The following RALGAPA2 variants were observed in gnomAD, a reference collection of about 807,000 sequenced individuals.
RALGAPA2 encodes ral GTPase-activating protein subunit alpha-2.
A neutral mutation model predicts 230.4 loss-of-function variants in RALGAPA2; 139 were observed. That is an observed-to-expected ratio of 0.60 (90% CI 0.53 to 0.69). The LOEUF is 0.69. Among genes scored for constraint, RALGAPA2 ranks in the 30% least tolerant of loss-of-function variants. The pLI is 0.00. For missense variants in RALGAPA2, 2,163 were observed against 2,276.0 expected (o/e 0.95, Z 1.01); for synonymous variants, 847 against 837.8 (o/e 1.01, Z -0.19).
At chr20:20,484,808 A>C (rs997737472) in intron 36 of RALGAPA2, among the ~76,000 whole-genome samples, 2 of 152,232 alleles carry the variant, frequency 1.3e-5, no homozygotes, top group African/African-American at 2.4e-5. Flanking sequence ...TGTGATCCCT[A>C]ATTACTGAAC....
intron 3 of RALGAPA2, among the ~76,000 whole-genome samples, chr20:20,672,172 A>G (rs1483267425): frequency 6.6e-6 from 1 of 152,230 alleles, no homozygotes; most frequent in Non-Finnish European, 1.5e-5. Context: ...AGTGCTCTCA[A>G]TCAAGAGCAT....
chr20:20,605,401 T>C lies in RALGAPA2; in HGVS notation c.1812A>G (p.Val604=), dbSNP rs1169038130. ...LAGLLFRTLM[V]AWIRANLCVY... ...CACAGAGGTTTGCTCGGATCCAAGC[T>C]ACCATGAGCGTCTAAAACCAACCAA... The change falls in exon 15 of 40, where the codon GTA becomes GTG. Residue 604 remains valine, a synonymous_variant. Transcript: ENST00000202677. 6.2e-7 allele frequency: 1 copy of C among 1,613,090 alleles called. No homozygotes were observed. The highest frequency in any genetic ancestry group is 8.5e-7 in the Non-Finnish European group (1 of 1,179,340).
At position 20,512,943 on chromosome 20, in the gene RALGAPA2, C is replaced by A. The variant is rs2062756112; in HGVS notation, c.4426G>T (p.Val1476Phe). The A allele has an allele frequency of 3.1e-6, 5 of 1,613,650 alleles. No individual in the cohort carries two copies. In the African/African-American group the frequency reaches 6.7e-5, roughly 22 times the overall value. The change falls in exon 32 of 40, where the codon GTT becomes TTT. Residue 1476 changes from valine (V) to phenylalanine (F), a missense_variant. Transcript: ENST00000202677. ...ISGKYSWDGK[V>F]LYGPLEGCLA... Reference sequence around the variant, plus strand: ...CAGCCTTCCAAAGGTCCATATAAAACCTTACCATCCCAAGAGTACTTCCCT... The same window carrying A: ...CAGCCTTCCAAAGGTCCATATAAAAACTTACCATCCCAAGAGTACTTCCCT...
chr20:20,495,251 C>A lies in RALGAPA2; in HGVS notation c.5233G>T (p.Val1745Phe), dbSNP rs748796429. The change falls in exon 36 of 40, where the codon GTC (valine) becomes TTC (phenylalanine). Residue 1745 changes from valine (V) to phenylalanine (F), a missense_variant. Coordinates refer to ENST00000202677, the MANE Select transcript of RALGAPA2 (RefSeq NM_020343.4). ...KKLRHLGNDE[V>F]HIVWSEHSRD... Reference sequence around the variant, plus strand: ...GAGTGTTCAGACCAGACGATATGGACCTCGTCATTCCCCAAGTGACGAAGC... The same window carrying A: ...GAGTGTTCAGACCAGACGATATGGAACTCGTCATTCCCCAAGTGACGAAGC... The A allele has an allele frequency of 6.5e-7, 1 of 1,539,788 alleles. No homozygotes were observed. Among genetic ancestry groups the A allele is most frequent in the Non-Finnish European group, 8.8e-7 (1 of 1,130,792 alleles).
Position 20,524,825 on chromosome 20 carries a change from C to T in RALGAPA2, c.3762+5G>A, listed in dbSNP as rs746095800. The T allele has an allele frequency of 7.2e-5, 114 of 1,589,148 alleles. No individual in the cohort carries two copies. The highest frequency in any genetic ancestry group is 9.0e-5 in the Non-Finnish European group (105 of 1,171,388). ...TAGGAAAAACTTAGTTAATGTGCCA[C>T]CTACCTTCTTGTCTGTTTCCACTGA... On this transcript the variant is annotated splice_donor_5th_base_variant and intron_variant, in intron 29 of 39. Coordinates refer to ENST00000202677, the MANE Select transcript of RALGAPA2 (RefSeq NM_020343.4).
intron 20 of RALGAPA2, among the ~76,000 whole-genome samples, chr20:20,580,288 G>A (rs950302252): frequency 2.6e-5 from 4 of 152,294 alleles, no homozygotes; most frequent in Admixed American, 6.5e-5. Flanking sequence ...GGGAAGGACT[G>A]CCACTTCCAG....
chr20:20,401,761 G>C (rs184465688), intron 38 of RALGAPA2, among the ~76,000 whole-genome samples: 1 of 152,160 alleles, frequency 6.6e-6, no homozygotes, highest in Non-Finnish European at 1.5e-5. Flanking sequence ...TAGTTTTACC[G>C]ATAAAAACTG....
chr20:20,548,627 G>A (rs1399885602), intron 23 of RALGAPA2, among the ~76,000 whole-genome samples: 4 of 152,134 alleles, frequency 2.6e-5, no homozygotes, highest in Admixed American at 6.5e-5. Context: ...CTTTAATCAC[G>A]TCCTTTGATA....
At chr20:20,593,390 T>C (rs1189077503) in intron 16 of RALGAPA2, among the ~76,000 whole-genome samples, 1 of 152,266 alleles carries the variant, frequency 6.6e-6, no homozygotes, top group Non-Finnish European at 1.5e-5. Context: ...GTGCACATTT[T>C]TAATCTACTT....
rs756612256 is a variant in RALGAPA2 at position 20,393,137 on chromosome 20, G to A, written c.*152C>T. The A allele has an allele frequency of 2.6e-5, 36 of 1,360,548 alleles. No homozygotes were observed. The East Asian group carries it at 2.7e-4, about 10-fold the overall frequency. 84.3% of individuals were successfully genotyped at this position (1,360,548 alleles called of 1,614,324 possible). A position where few individuals can be genotyped will look rare whatever the true frequency, so the allele number is the denominator to read the frequency against. ...CTGCTGAGGGCACTAGTACAGCAAC[G>A]AAATTTCCTGGAGATTCTGGGTTTA... On this transcript the variant is annotated 3_prime_UTR_variant, in exon 40 of 40. Transcript: ENST00000202677.
At chr20:20,518,074 C>T (rs1001359498) in intron 31 of RALGAPA2, among the ~76,000 whole-genome samples, 1 of 151,888 alleles carries the variant, frequency 6.6e-6, no homozygotes, top group Admixed American at 6.6e-5. Context: ...TTTTTCCCCC[C>T]GAGATGGAGT....
chr20:20,547,619 CT>C (rs2145722780), intron 23 of RALGAPA2, among the ~76,000 whole-genome samples: 1 of 152,336 alleles, frequency 6.6e-6, no homozygotes, highest in African/African-American at 2.4e-5. Context: ...CAGGCCACAT[CT>C]CTGAAGCCAT....
In RALGAPA2 at chr20:20,521,046, T is replaced by G; in HGVS notation, c.3955A>C (p.Ile1319Leu). Reference sequence around the variant, plus strand: ...GATGACAAGTCAGCCAGGGTCAGTATGTAGTGACTCTGTTGGGTGTACGTG... The same window carrying G: ...GATGACAAGTCAGCCAGGGTCAGTAGGTAGTGACTCTGTTGGGTGTACGTG... The part of the protein sequence containing the change: ...SSTYTQQSHY[I>L]LTLADLSSTD... The change falls in exon 31 of 40, where the codon ATA becomes CTA. Residue 1319 changes from isoleucine (I) to leucine (L), a missense_variant. Transcript: ENST00000202677. 6.2e-7 allele frequency: 1 copy of G among 1,613,932 alleles called. No homozygotes were observed. Among genetic ancestry groups the G allele is most frequent in the South Asian group, 1.1e-5 (1 of 91,080 alleles).
rs972816551 is a variant in RALGAPA2 at position 20,591,026 on chromosome 20, G to A, written c.2341+151C>T. On this transcript the variant is annotated intron_variant, in intron 17 of 39. Transcript: ENST00000202677. Reference sequence around the variant, plus strand: ...GTTTAAATAGTGCAAATATTTCATTGCCATAAATCACATCCTTCTAATCAA... The same window carrying A: ...GTTTAAATAGTGCAAATATTTCATTACCATAAATCACATCCTTCTAATCAA... The A allele has an allele frequency of 1.4e-5, 13 of 918,584 alleles. No individual in the cohort carries two copies. The African/African-American group carries it at 2.0e-4, about 14-fold the overall frequency. The allele number at this position is 918,584 out of a possible 1,614,324, so 56.9% of individuals were successfully genotyped here.
chr20:20,608,651 TTAGA>T (rs775395312), intron 14 of RALGAPA2, among the ~76,000 whole-genome samples: 6 of 152,186 alleles, frequency 3.9e-5, no homozygotes, highest in Non-Finnish European at 8.8e-5. Flanking sequence ...TGAATACTAA[TTAGA>T]TAGCATGTTT....
chr20:20,580,662 C>A (rs1224498596), intron 20 of RALGAPA2, among the ~76,000 whole-genome samples: 1 of 152,180 alleles, frequency 6.6e-6, no homozygotes, highest in Non-Finnish European at 1.5e-5. Context: ...CTTCTTCCTC[C>A]ATGACAATCA....
chr20:20,502,634 C>T (rs913687789), intron 35 of RALGAPA2, among the ~76,000 whole-genome samples: 4 of 152,196 alleles, frequency 2.6e-5, no homozygotes, highest in African/African-American at 7.2e-5. Flanking sequence ...TTGGTCAGCA[C>T]GTGAGGTGCT....
chr20:20,633,126 T>TTTTC (rs762104052), intron 9 of RALGAPA2, among the ~76,000 whole-genome samples: 6 of 151,526 alleles, frequency 4.0e-5, no homozygotes, highest in Non-Finnish European at 4.4e-5. Flanking sequence ...TCTCTCTTTC[T>TTTTC]TTTCTTTCTT....
chr20:20,417,861 G>A (rs1299790636), intron 37 of RALGAPA2, among the ~76,000 whole-genome samples: 1 of 152,236 alleles, frequency 6.6e-6, no homozygotes, highest in Non-Finnish European at 1.5e-5. Context: ...ATAGCAACTT[G>A]TAAGGAGAGG....
Sources: gnomAD v4.1 joint callset for allele counts (sites outside exome capture counted in the v4.1 genomes callset) on GRCh38, gnomAD v4.1.1 for gene constraint, MANE v1.5 for transcripts, NCBI Gene and HGNC (gene_info 2026-07-23, HGNC 2026-07-21) for gene names.